Variants in MFHAS1 observed in about 807,000 individuals in gnomAD.
MFHAS1 encodes the protein multifunctional ROCO family signaling regulator 1, also known as malignant fibrous histiocytoma-amplified sequence 1.
In MFHAS1, 50 loss-of-function variants were observed where a neutral mutation model predicts 70.4. That is an observed-to-expected ratio of 0.71 (90% CI 0.57 to 0.90). MFHAS1 has a LOEUF of 0.90. Among genes scored for constraint, MFHAS1 ranks in the 40% least tolerant of loss-of-function variants. The pLI is 0.00. For synonymous variants in MFHAS1, 952 were observed against 620.0 expected (o/e 1.54, Z -7.96); for missense variants, 1,795 against 1,347.6 (o/e 1.33, Z -5.20).
At chr8:8,859,594 C>T (rs1444956589) in intron 1 of MFHAS1, among the ~76,000 whole-genome samples, 1 of 152,142 alleles carries the variant, frequency 6.6e-6, no homozygotes, top group Non-Finnish European at 1.5e-5. Flanking sequence ...TTTAACATGA[C>T]AAGGATGAAG....
intron 1 of MFHAS1, among the ~76,000 whole-genome samples, chr8:8,883,019 G>A (rs1809589350): frequency 6.6e-6 from 1 of 152,110 alleles, no homozygotes; most frequent in Non-Finnish European, 1.5e-5. Context: ...CAGGCATGGT[G>A]GTGCACCCCT....
intron 1 of MFHAS1, among the ~76,000 whole-genome samples, chr8:8,875,068 T>C (rs1490835871): frequency 6.6e-6 from 1 of 152,212 alleles, no homozygotes; most frequent in Non-Finnish European, 1.5e-5. Flanking sequence ...TAAACGGTAG[T>C]GCATTTTATA....
intron 1 of MFHAS1, among the ~76,000 whole-genome samples, chr8:8,847,961 T>C (rs966530434): frequency 6.6e-6 from 1 of 152,200 alleles, no homozygotes; most frequent in Admixed American, 6.5e-5. Context: ...GATGCACACA[T>C]GTAACATTAA....
chr8:8,875,179 A>T (rs1008113721), intron 1 of MFHAS1, among the ~76,000 whole-genome samples: 1 of 152,182 alleles, frequency 6.6e-6, no homozygotes, highest in Non-Finnish European at 1.5e-5. Flanking sequence ...ATTTAATGAC[A>T]TTTTTTGCCT....
chr8:8,822,124 G>C (rs1049808683), intron 1 of MFHAS1: 2 of 152,344 alleles, frequency 1.3e-5, no homozygotes, highest in African/African-American at 4.8e-5. Flanking sequence ...GCCACGGGCA[G>C]CCAATTCCTC....
At chr8:8,832,742 C>T (rs1254181996) in intron 1 of MFHAS1, among the ~76,000 whole-genome samples, 2 of 151,720 alleles carry the variant, frequency 1.3e-5, no homozygotes, top group Non-Finnish European at 2.9e-5. Context: ...GTTCCTCCCA[C>T]TTCAGCCTCC....
chr8:8,880,585 A>C (rs914339877), intron 1 of MFHAS1, among the ~76,000 whole-genome samples: 2 of 152,108 alleles, frequency 1.3e-5, no homozygotes, highest in Admixed American at 1.3e-4. Flanking sequence ...CCCTTCTCCC[A>C]AGCATGCTTG....
intron 1 of MFHAS1, among the ~76,000 whole-genome samples, chr8:8,859,203 G>A (rs1165087282): frequency 6.6e-6 from 1 of 152,146 alleles, no homozygotes; most frequent in African/African-American, 2.4e-5. Context: ...AATTACATGG[G>A]TGTAGTGGCA....
At position 8,890,357 on chromosome 8, in the gene MFHAS1, T is replaced by C; in HGVS notation, c.2702A>G (p.Gln901Arg). ...CCTGTGCACCACATGGCTGTTGATC[T>C]GGACACTGTAGCGTGCAAACAACCC... ...PLGLFARYSV[Q>R]INSHVVHRSD... Residue 901 changes from glutamine to arginine, a missense_variant, in exon 1 of 3, where the codon CAG becomes CGG. Coordinates refer to ENST00000276282, the MANE Select transcript of MFHAS1 (RefSeq NM_004225.3). The C allele has an allele frequency of 6.2e-7, 1 of 1,614,222 alleles. No homozygotes were observed. The highest frequency in any genetic ancestry group is 8.5e-7 in the Non-Finnish European group (1 of 1,180,038).
intron 2 of MFHAS1, among the ~76,000 whole-genome samples, chr8:8,786,434 C>G (rs1406604692): frequency 1.3e-5 from 2 of 152,170 alleles, no homozygotes; most frequent in Non-Finnish European, 2.9e-5. Context: ...CACACGCAGA[C>G]ACACACCAAA....
At chr8:8,794,646 G>T (rs1414953804) in intron 2 of MFHAS1, among the ~76,000 whole-genome samples, 1 of 152,146 alleles carries the variant, frequency 6.6e-6, no homozygotes, top group Non-Finnish European at 1.5e-5. Context: ...GTCTTGCCAG[G>T]AATATGAAAC....
At chr8:8,851,930 G>C (rs996943942) in intron 1 of MFHAS1, among the ~76,000 whole-genome samples, 2 of 152,178 alleles carry the variant, frequency 1.3e-5, no homozygotes, top group African/African-American at 4.8e-5. Context: ...CCTCAACAAA[G>C]TTGAAGCTTA....
intron 1 of MFHAS1, among the ~76,000 whole-genome samples, chr8:8,844,950 T>C (rs1807973396): frequency 6.6e-6 from 1 of 152,070 alleles, no homozygotes; most frequent in Non-Finnish European, 1.5e-5. Flanking sequence ...AATCCTTGGA[T>C]GAAGATAAGA....
chr8:8,789,331 C>A (rs1408228945), intron 2 of MFHAS1, among the ~76,000 whole-genome samples: 1 of 152,134 alleles, frequency 6.6e-6, no homozygotes, highest in African/African-American at 2.4e-5. Flanking sequence ...CGCTGTTACC[C>A]AAGACAGGTC....
In MFHAS1 at chr8:8,892,189, G is replaced by A. The variant is rs1295816430; in HGVS notation, c.870C>T (p.Ala290=). 4.3e-6 allele frequency: 7 copies of A among 1,610,108 alleles called. No homozygotes were observed. Among genetic ancestry groups the A allele is most frequent in the East Asian group, 4.5e-5 (2 of 44,874 alleles). ...CCAGACCAGCCAGGGGCAGCAGCGC[G>A]GCAGGGAACTCCTCGAAGAGGTTGG... The part of the protein sequence containing the change: ...LSSNLFEEFP[A]ALLPLAGLEE... Residue 290 remains alanine, a synonymous_variant, in exon 1 of 3, where the codon GCC becomes GCT. Transcript: ENST00000276282. The surrounding 1 kb of genome is among the most constrained non-coding windows in gnomAD (Gnocchi z 4.7).
At chr8:8,884,703 G>A (rs981773170) in intron 1 of MFHAS1, among the ~76,000 whole-genome samples, 1 of 152,180 alleles carries the variant, frequency 6.6e-6, no homozygotes, top group African/African-American at 2.4e-5. Context: ...GGTGGCTCAA[G>A]CCTATAATCC....
intron 1 of MFHAS1, among the ~76,000 whole-genome samples, chr8:8,822,793 G>A (rs1807014561): frequency 6.7e-6 from 1 of 150,298 alleles, no homozygotes. Context: ...CAAGCCAGGG[G>A]GATTTAGAAG....
At chr8:8,889,993 C>T in intron 1 of MFHAS1, 68 bp downstream of exon 1, 1 of 1,316,056 alleles carries the variant, frequency 7.6e-7, no homozygotes, top group South Asian at 1.4e-5. Flanking sequence ...TGCCAAATGA[C>T]AACCAAGTAT....
Position 8,783,658 on chromosome 8 carries a change from C to G in MFHAS1, c.*2364G>C, listed in dbSNP as rs1805436721. On this transcript the variant is annotated 3_prime_UTR_variant, in exon 3 of 3. Coordinates refer to ENST00000276282, the MANE Select transcript of MFHAS1 (RefSeq NM_004225.3). ...ACCACAAGTTGCAGGAATAGAAACC[C>G]TAACAAACTTGGAGGGCATTTGTTT... The G allele has an allele frequency of 6.6e-6, 1 of 152,144 alleles. No homozygotes were observed. Among genetic ancestry groups the G allele is most frequent in the African/African-American group, 2.4e-5 (1 of 41,436 alleles). The allele number at this position is 152,144 out of a possible 1,614,324, so 9.4% of individuals were successfully genotyped here. A position where few individuals can be genotyped will look rare whatever the true frequency, so the allele number is the denominator to read the frequency against.
Sources: gnomAD v4.1 joint callset for allele counts (sites outside exome capture counted in the v4.1 genomes callset) on GRCh38, gnomAD v4.1.1 for gene constraint, Gnocchi (gnomAD v3.1) non-coding constraint, MANE v1.5 for transcripts, NCBI Gene and HGNC (gene_info 2026-07-23, HGNC 2026-07-21) for gene names.